ACSS1: variants seen among roughly 807,000 people sequenced by gnomAD.
The protein encoded by ACSS1 is acyl-CoA synthetase short chain family member 1.
ACSS1 carries 42 observed loss-of-function variants against 75.3 expected under a neutral mutation model. The ratio of observed to expected loss-of-function variants is 0.56; its 90% CI spans 0.44 to 0.72. The LOEUF is 0.72. Ranked by LOEUF, ACSS1 falls within the 30% of genes least tolerant of loss-of-function variation. The pLI, the probability that ACSS1 is intolerant of heterozygous loss-of-function variation, is 0.00. For synonymous variants in ACSS1, 380 were observed against 376.8 expected (o/e 1.01, Z -0.10); for missense variants, 782 against 935.7 (o/e 0.84, Z 2.14).
chr20:25,028,068 A>G (rs1197146447), intron 3 of ACSS1, among the ~76,000 whole-genome samples: 1 of 152,226 alleles, frequency 6.6e-6, no homozygotes, highest in Non-Finnish European at 1.5e-5. Flanking sequence ...TTAGCCTAGG[A>G]TATGCAAGAC....
intron 1 of ACSS1, 23 bp downstream of exon 1, chr20:25,057,746 T>A (rs1293526944): frequency 9.1e-6 from 14 of 1,537,046 alleles, no homozygotes; most frequent in Non-Finnish European, 1.2e-5. Flanking sequence ...GGGGGCGTCC[T>A]GGGTCTCCCG....
At chr20:25,049,882 C>A (rs759150346) in intron 1 of ACSS1, among the ~76,000 whole-genome samples, 1 of 152,006 alleles carries the variant, frequency 6.6e-6, no homozygotes, top group Non-Finnish European at 1.5e-5. Flanking sequence ...CTTCACCAGG[C>A]GGTGAAGAAC....
At chr20:25,009,727 G>A (rs1475014398) in intron 12 of ACSS1, 4 of 228,868 alleles carry the variant, frequency 1.7e-5, no homozygotes, top group Non-Finnish European at 3.5e-5. Flanking sequence ...CCATAATGTG[G>A]TTTGATGGAA....
chr20:25,035,729 T>C (rs948630226), intron 2 of ACSS1, among the ~76,000 whole-genome samples: 11 of 152,196 alleles, frequency 7.2e-5, no homozygotes, highest in Non-Finnish European at 1.6e-4. Flanking sequence ...GATTTTTAAG[T>C]TTAAACTCTC....
intron 7 of ACSS1, among the ~76,000 whole-genome samples, chr20:25,018,522 TG>T (rs1218483758): frequency 6.6e-6 from 1 of 151,970 alleles, no homozygotes; most frequent in African/African-American, 2.4e-5. Flanking sequence ...ATCAATCAGG[TG>T]GGGGGCAGAG....
intron 5 of ACSS1, 104 bp downstream of exon 5, chr20:25,022,836 G>T: frequency 7.1e-7 from 1 of 1,403,668 alleles, no homozygotes; most frequent in South Asian, 1.5e-5. Context: ...AAGAAACACT[G>T]ACCTCTCACA....
chr20:25,038,419 G>A (rs994231153), intron 2 of ACSS1, among the ~76,000 whole-genome samples: 7 of 152,176 alleles, frequency 4.6e-5, no homozygotes, highest in Admixed American at 4.6e-4. Flanking sequence ...GAAGTTGCAG[G>A]CACCTTTGAA....
At position 25,023,122 on chromosome 20, in the gene ACSS1, C is replaced by T. The variant is rs199768383; in HGVS notation, c.808-30G>A. 2,947 of 1,598,488 alleles carry T rather than the reference C, an allele frequency of 1.8e-3. 7 individuals are homozygous for T. The highest frequency in any genetic ancestry group is 2.3e-3 in the Non-Finnish European group (2,671 of 1,172,032). The stretch of plus-strand genomic sequence containing the variant: ...CAGGGAGAAGAAACAAACAGCCCAC[C>T]GAGGGCACTCAGCCTCTCTGAGAGC... On this transcript the variant is annotated intron_variant, in intron 4 of 13. Coordinates refer to ENST00000323482, the MANE Select transcript of ACSS1 (RefSeq NM_032501.4).
At chr20:25,022,740 A>G (rs572113574) in intron 5 of ACSS1, among the ~76,000 whole-genome samples, 200 bp downstream of exon 5, 1 of 152,364 alleles carries the variant, frequency 6.6e-6, no homozygotes. Context: ...GTTTCCAGAC[A>G]GTGCAGTGGG....
intron 13 of ACSS1, 29 bp from the exon 14 acceptor site, chr20:25,007,970 C>T (rs775241938): frequency 5.0e-5 from 81 of 1,608,872 alleles, no homozygotes; most frequent in Non-Finnish European, 6.9e-5. Context: ...AGTGTTAGAG[C>T]GTGGATGGTG....
intron 1 of ACSS1, 101 bp downstream of exon 1, chr20:25,057,668 C>A: frequency 8.1e-7 from 1 of 1,239,832 alleles, no homozygotes; most frequent in Non-Finnish European, 1.1e-6. Flanking sequence ...TGCAGGGCTG[C>A]GATCCGCGCT....
At chr20:25,021,366 C>G (rs756382332) in intron 6 of ACSS1, 23 bp downstream of exon 6, 1 of 1,611,572 alleles carries the variant, frequency 6.2e-7, no homozygotes. Context: ...CATGGGGTCC[C>G]AAACAGGGTT....
At chr20:25,027,394 A>C (rs752327768) in intron 3 of ACSS1, among the ~76,000 whole-genome samples, 12 of 152,222 alleles carry the variant, frequency 7.9e-5, no homozygotes, top group Non-Finnish European at 1.6e-4. Context: ...ACTCTTCCAC[A>C]AAATGCTAGC....
chr20:25,044,735 G>A (rs974249325), intron 2 of ACSS1, among the ~76,000 whole-genome samples: 16 of 152,254 alleles, frequency 1.1e-4, no homozygotes, highest in Admixed American at 7.2e-4. Context: ...GGGCCACTAG[G>A]CCTACAGCCT....
At chr20:25,046,736 C>T in intron 2 of ACSS1, 3 of 769,658 alleles carry the variant, frequency 3.9e-6, no homozygotes, top group Non-Finnish European at 7.3e-6. Flanking sequence ...GCTGCAGCAG[C>T]TTGGGTCTTC....
At chr20:25,054,589 G>A (rs1204710728) in intron 1 of ACSS1, among the ~76,000 whole-genome samples, 1 of 152,184 alleles carries the variant, frequency 6.6e-6, no homozygotes, top group Non-Finnish European at 1.5e-5. Context: ...AAATTGCCTG[G>A]GCCCAGCCAC....
rs139005534 is a variant in ACSS1, at chr20:25,057,102, C to A, written c.334+667G>T. Among the ~76,000 whole-genome samples the A allele has an allele frequency of 2.4e-3, 367 of 152,206 alleles. 1 individual carries two copies. Among genetic ancestry groups the A allele is most frequent in the African/African-American group, 8.1e-3 (336 of 41,514 alleles). On this transcript the variant is annotated intron_variant, in intron 1 of 13. Transcript: ENST00000323482. The stretch of plus-strand genomic sequence containing the variant: ...TCAGACCCCGCGGGTCCAAAGCAGG[C>A]CCCAGGTCGCTGGGGTGCAGTTCTC...
chr20:25,016,162 T>C (rs1444772389), intron 7 of ACSS1, among the ~76,000 whole-genome samples: 1 of 152,086 alleles, frequency 6.6e-6, no homozygotes, highest in Non-Finnish European at 1.5e-5. Flanking sequence ...AGCATGACGC[T>C]GGGCAAGGGA....
chr20:25,023,299 C>T (rs559591144), intron 4 of ACSS1, among the ~76,000 whole-genome samples, 167 bp downstream of exon 4: 3 of 152,278 alleles, frequency 2.0e-5, no homozygotes, highest in South Asian at 2.1e-4. Context: ...ACATGCTTGT[C>T]GTATAGGAGT....
Sources: allele counts gnomAD v4.1 joint callset (sites outside exome capture counted in the v4.1 genomes callset), GRCh38; gene constraint gnomAD v4.1.1; transcripts MANE v1.5; gene names NCBI Gene and HGNC (gene_info 2026-07-23, HGNC 2026-07-21).